IPO11: variants seen among roughly 807,000 people sequenced by gnomAD.
The protein encoded by IPO11 is importin-11.
Under a neutral mutation model 143.2 loss-of-function variants are expected in IPO11, and 66 were observed. That is an observed-to-expected ratio of 0.46 (90% CI 0.38 to 0.57). The LOEUF (loss-of-function observed/expected upper bound fraction) is 0.57, where lower values mean the gene tolerates loss of function less well. IPO11 is among the 20% of genes least tolerant of loss of function. IPO11 has a pLI of 0.00. For missense variants in IPO11, 1,026 were observed against 1,141.0 expected (o/e 0.90, Z 1.45); for synonymous variants, 385 against 377.8 (o/e 1.02, Z -0.22).
intron 27 of IPO11, among the ~76,000 whole-genome samples, chr5:62,571,367 G>A (rs1744126517): frequency 6.6e-6 from 1 of 152,192 alleles, no homozygotes; most frequent in Admixed American, 6.5e-5. Flanking sequence ...TGGAAGCAGT[G>A]ATAACAGCTA....
At chr5:62,494,521 A>C (rs980771493) in intron 16 of IPO11, among the ~76,000 whole-genome samples, 1 of 151,754 alleles carries the variant, frequency 6.6e-6, no homozygotes, top group Admixed American at 6.6e-5. Flanking sequence ...AAGCCTTTGG[A>C]ATTATTGGGC....
chr5:62,546,330 G>A (rs1283777982), intron 24 of IPO11, among the ~76,000 whole-genome samples: 1 of 152,070 alleles, frequency 6.6e-6, no homozygotes, highest in South Asian at 2.1e-4. Context: ...CCATCATTCT[G>A]AGCAAAGTAT....
intron 12 of IPO11, among the ~76,000 whole-genome samples, chr5:62,486,736 AT>A (rs780110577): frequency 2.0e-5 from 3 of 152,142 alleles, no homozygotes; most frequent in Non-Finnish European, 4.4e-5. Flanking sequence ...CATTCCTTTA[AT>A]TTTTAAAAGT....
intron 28 of IPO11, among the ~76,000 whole-genome samples, chr5:62,591,881 C>T (rs1745035128): frequency 6.6e-6 from 1 of 152,118 alleles, no homozygotes; most frequent in South Asian, 2.1e-4. Flanking sequence ...CGGAGTTTCA[C>T]TCTTGTGGTC....
At chr5:62,548,541 C>G (rs1188792613) in intron 24 of IPO11, among the ~76,000 whole-genome samples, 1 of 152,166 alleles carries the variant, frequency 6.6e-6, no homozygotes, top group East Asian at 1.9e-4. Flanking sequence ...AAAATACACT[C>G]TCTTCGTTCT....
chr5:62,608,631 C>A (rs527255678), intron 29 of IPO11, among the ~76,000 whole-genome samples: 56 of 152,272 alleles, frequency 3.7e-4, no homozygotes, highest in Non-Finnish European at 7.9e-4. Flanking sequence ...CCTTTTCTCC[C>A]CACTGAGTTT....
chr5:62,483,233 A>G lies in IPO11; in HGVS notation c.961A>G (p.Met321Val). Reference sequence around the variant, plus strand: ...ATTTGAACGATTCATTGTCCAATGTATGAATCTTATTAAGATGATTGTCAA... The same window carrying G: ...ATTTGAACGATTCATTGTCCAATGTGTGAATCTTATTAAGATGATTGTCAA... ...VTFERFIVQCMNLIKMIVKNY... is the reference protein window; with the variant it reads ...VTFERFIVQCVNLIKMIVKNY... Residue 321 changes from methionine to valine, a missense_variant, in exon 10 of 30, where the codon ATG becomes GTG. Coordinates refer to ENST00000325324, the MANE Select transcript of IPO11 (RefSeq NM_016338.5). 2 of 1,610,574 alleles carry G rather than the reference A, an allele frequency of 1.2e-6. No individual in the cohort carries two copies. The highest frequency in any genetic ancestry group is 1.1e-5 in the South Asian group (1 of 90,134).
intron 20 of IPO11, among the ~76,000 whole-genome samples, chr5:62,516,293 C>CTT (rs902327743): frequency 6.8e-6 from 1 of 147,544 alleles, no homozygotes; most frequent in Non-Finnish European, 1.5e-5. Flanking sequence ...TAAATGCTTT[C>CTT]TTTTTTTTTT....
intron 19 of IPO11, among the ~76,000 whole-genome samples, chr5:62,506,774 T>C (rs569011740): frequency 3.3e-4 from 50 of 152,280 alleles, no homozygotes; most frequent in African/African-American, 1.1e-3. Context: ...AAAAATGAGG[T>C]ATAAAGCTCT....
chr5:62,530,874 A>T, intron 22 of IPO11, 89 bp downstream of exon 22: 11 of 963,200 alleles, frequency 1.1e-5, no homozygotes, highest in Non-Finnish European at 1.7e-5. Flanking sequence ...ATTACAACAA[A>T]GTTGTAAGTT....
intron 20 of IPO11, among the ~76,000 whole-genome samples, chr5:62,524,217 G>T (rs1417298238): frequency 6.6e-6 from 1 of 151,916 alleles, no homozygotes; most frequent in African/African-American, 2.4e-5. Context: ...GAATTATAAG[G>T]TATTGAATCT....
intron 7 of IPO11, among the ~76,000 whole-genome samples, chr5:62,473,455 G>C (rs1010671733): frequency 2.0e-5 from 3 of 152,164 alleles, no homozygotes; most frequent in Non-Finnish European, 4.4e-5. Context: ...TGACTCTAAT[G>C]TTAACAATGA....
At chr5:62,481,196 G>A (rs1053541547) in intron 9 of IPO11, among the ~76,000 whole-genome samples, 3 of 152,084 alleles carry the variant, frequency 2.0e-5, no homozygotes, top group Admixed American at 2.0e-4. Flanking sequence ...GGGATTACAG[G>A]CATGAGCCAC....
At chr5:62,607,043 G>A (rs1188522885) in intron 29 of IPO11, among the ~76,000 whole-genome samples, 1 of 152,146 alleles carries the variant, frequency 6.6e-6, no homozygotes, top group Non-Finnish European at 1.5e-5. Context: ...CTGGCTCAAG[G>A]ATGGAGAACA....
chr5:62,486,038 C>G (rs1256935694), intron 12 of IPO11, among the ~76,000 whole-genome samples: 1 of 147,000 alleles, frequency 6.8e-6, no homozygotes, highest in Non-Finnish European at 1.5e-5. Flanking sequence ...CTGGAGTGCA[C>G]TGGTGCATCT....
Position 62,420,580 on chromosome 5 carries a change from C to CT in IPO11, c.-7+7668dup, listed in dbSNP as rs1315728708. Among the ~76,000 whole-genome samples, 402 of 140,102 alleles carry CT rather than the reference C, an allele frequency of 2.9e-3. 1 individual carries two copies. Among genetic ancestry groups the CT allele is most frequent in the East Asian group, 3.7e-3 (18 of 4,832 alleles). The allele number at this position is 140,102 out of a possible 152,430, so 91.9% of individuals were successfully genotyped here. On this transcript the variant is annotated intron_variant, in intron 1 of 29. Coordinates refer to ENST00000325324, the MANE Select transcript of IPO11 (RefSeq NM_016338.5). ...ATATGTGGTCCATATCTGACTGAAA[C>CT]TTTTTTTTTTTTTTTTTGAGACAGG... is the stretch of plus-strand genomic sequence containing the variant.
chr5:62,435,216 A>G (rs1338614712), intron 1 of IPO11, among the ~76,000 whole-genome samples: 2 of 142,856 alleles, frequency 1.4e-5, no homozygotes, highest in Non-Finnish European at 3.0e-5. Flanking sequence ...ATATGTGTAT[A>G]TATATATATA....
Position 62,483,294 on chromosome 5 carries a change from G to T in IPO11, c.1021+1G>T, listed in dbSNP as rs945832878. On this transcript the variant is annotated splice_donor_variant, in intron 10 of 29. Transcript: ENST00000325324. LOFTEE classifies it high-confidence loss of function. ...TATAAGCCATCCAAAAATTTTGAAGGTAATTCCTTTATTGGCAGTTTAAAA... is the reference window on the plus strand; with the variant it reads ...TATAAGCCATCCAAAAATTTTGAAGTTAATTCCTTTATTGGCAGTTTAAAA... The T allele has an allele frequency of 1.3e-6, 2 of 1,517,496 alleles. No individual in the cohort carries two copies. Among genetic ancestry groups the T allele is most frequent in the Non-Finnish European group, 1.8e-6 (2 of 1,118,904 alleles). The allele number at this position is 1,517,496 out of a possible 1,614,324, so 94.0% of individuals were successfully genotyped here.
intron 2 of IPO11, among the ~76,000 whole-genome samples, chr5:62,439,058 C>CAAAAAA (rs201729033): frequency 1.4e-5 from 1 of 73,726 alleles, no homozygotes; most frequent in Non-Finnish European, 2.8e-5. Context: ...GACTCCATCT[C>CAAAAAA]AAAAAAAAAA....
Sources: allele counts gnomAD v4.1 joint callset (sites outside exome capture counted in the v4.1 genomes callset), GRCh38; gene constraint gnomAD v4.1.1; transcripts MANE v1.5; gene names NCBI Gene and HGNC (gene_info 2026-07-23, HGNC 2026-07-21).